The following ACTN2 variants were observed in gnomAD, a reference collection of about 807,000 sequenced individuals.
The protein encoded by ACTN2 is alpha-actinin-2.
A neutral mutation model predicts 113.8 loss-of-function variants in ACTN2; 39 were observed. The ratio of observed to expected loss-of-function variants is 0.34; its 90% CI spans 0.27 to 0.45. The LOEUF is 0.45. Among genes scored for constraint, ACTN2 ranks in the 20% least tolerant of loss-of-function variants. The probability of loss-of-function intolerance (pLI) is 1.00; values close to 1 mark genes in which losing one functional copy is unlikely to be tolerated. For missense variants in ACTN2, 992 were observed against 1,177.9 expected (o/e 0.84, Z 2.31); for synonymous variants, 429 against 444.1 (o/e 0.97, Z 0.43).
intron 1 of ACTN2, among the ~76,000 whole-genome samples, chr1:236,709,234 A>G (rs1372888008): frequency 1.5e-5 from 1 of 68,804 alleles, no homozygotes; most frequent in African/African-American, 4.0e-5. Flanking sequence ...ATATATATAT[A>G]TATATATATA....
In ACTN2 at chr1:236,751,070, A is replaced by T. The variant is rs1480391838; in HGVS notation, c.1657-400A>T. On this transcript the variant is annotated intron_variant, in intron 14 of 20. Coordinates refer to ENST00000366578, the MANE Select transcript of ACTN2 (RefSeq NM_001103.4). ...GCACCACTGCACTCCAGCCTGAGTG[A>T]CCTAGCGAGACCCTGTCTCAAAAAA... Among the ~76,000 whole-genome samples the T allele has an allele frequency of 4.1e-5, 5 of 123,402 alleles. No homozygotes were observed. The Admixed American group carries it at 5.3e-4, about 13-fold the overall frequency. 81.0% of individuals were successfully genotyped at this position (123,402 alleles called of 152,430 possible).
At chr1:236,761,429 T>TTGGGTG (rs768102689) in intron 20 of ACTN2, among the ~76,000 whole-genome samples, 2 of 58,858 alleles carry the variant, frequency 3.4e-5, no homozygotes, top group African/African-American at 1.2e-4. Context: ...GTATTTGTAC[T>TTGGGTG]TGCGTGTGTG....
At position 236,754,174 on chromosome 1, in the gene ACTN2, G is replaced by A. The variant is rs1659484711; in HGVS notation, c.1974+93G>A. On this transcript the variant is annotated intron_variant, in intron 16 of 20. Transcript: ENST00000366578. The surrounding 1 kb of genome is among the most constrained non-coding windows in gnomAD (Gnocchi z 4.9). ...GACACCGCACATGCTGTGGTTTCCA[G>A]CCACCCACTCAGTCAGGTGGGAGCA... is the stretch of plus-strand genomic sequence containing the variant. 1.9e-6 allele frequency: 3 copies of A among 1,543,620 alleles called. No individual in the cohort carries two copies. Among genetic ancestry groups the A allele is most frequent in the Non-Finnish European group, 2.7e-6 (3 of 1,131,134 alleles).
At chr1:236,749,085 A>AT in intron 13 of ACTN2, 39 bp from the exon 14 acceptor site, 1 of 1,611,722 alleles carries the variant, frequency 6.2e-7, no homozygotes, top group African/African-American at 1.3e-5. Flanking sequence ...GAATTTTTTA[A>AT]TTAGTCTATG....
At position 236,686,658 on chromosome 1, in the gene ACTN2, C is replaced by G. The variant is rs762061889; in HGVS notation, c.-16C>G. ...AGCCCCTCGCGCCCCGCCGCAGCCC[C>G]GGCCAACCGAGCGCCATGAACCAGA... On this transcript the variant is annotated 5_prime_UTR_variant, in exon 1 of 21. Coordinates refer to ENST00000366578, the MANE Select transcript of ACTN2 (RefSeq NM_001103.4). 5 of 1,550,478 alleles carry G rather than the reference C, an allele frequency of 3.2e-6. No individual in the cohort carries two copies. In the Admixed American group the frequency reaches 5.6e-5, roughly 17 times the overall value.
chr1:236,759,834 A>C, intron 19 of ACTN2, 45 bp downstream of exon 19: 2 of 1,568,392 alleles, frequency 1.3e-6, no homozygotes, highest in Non-Finnish European at 1.8e-6. Flanking sequence ...TATTTTATTG[A>C]ATTTGGATTT....
chr1:236,718,864 T>C (rs1658299034), intron 2 of ACTN2, 30 bp from the exon 3 acceptor site: 1 of 1,614,034 alleles, frequency 6.2e-7, no homozygotes, highest in Non-Finnish European at 8.5e-7. Flanking sequence ...ACTGTCTCTA[T>C]GTCTGCATGA....
chr1:236,693,438 G>A (rs920031451), intron 1 of ACTN2, among the ~76,000 whole-genome samples: 3 of 152,198 alleles, frequency 2.0e-5, no homozygotes, highest in African/African-American at 7.2e-5. Context: ...GCACAGAGGA[G>A]GGGCATCTGC....
rs540661116 is a variant in ACTN2, at chr1:236,713,129, C to T, written c.127-4729C>T. Among the ~76,000 whole-genome samples the T allele has an allele frequency of 4.0e-5, 6 of 151,688 alleles. No homozygotes were observed. The East Asian group carries it at 5.8e-4, about 15-fold the overall frequency. On this transcript the variant is annotated intron_variant, in intron 1 of 20. Coordinates refer to ENST00000366578, the MANE Select transcript of ACTN2 (RefSeq NM_001103.4). ...CATAGGGAGCTAGTTACATAAAATA[C>T]GGTTTATACACTACAGTGGAATACT...
intron 1 of ACTN2, among the ~76,000 whole-genome samples, chr1:236,693,257 A>G (rs1343282343): frequency 1.3e-5 from 2 of 151,756 alleles, no homozygotes; most frequent in Non-Finnish European, 2.9e-5. Flanking sequence ...TTTACCTGCA[A>G]CCCTGGTGAG....
intron 7 of ACTN2, among the ~76,000 whole-genome samples, chr1:236,732,431 A>AT (rs1553301582): frequency 6.7e-6 from 1 of 149,764 alleles, no homozygotes; most frequent in Non-Finnish European, 1.5e-5. Flanking sequence ...TTTTCTTTTT[A>AT]TTTTTTATTT....
rs1198632374 is a variant in ACTN2 at position 236,725,983 on chromosome 1, C to T, written c.499C>T (p.Pro167Ser). 6.2e-7 allele frequency: 1 copy of T among 1,614,164 alleles called. No homozygotes were observed. Residue 167 changes from proline to serine, a missense_variant, in exon 5 of 21, where the codon CCT (proline) becomes TCT (serine). By Grantham distance (74) the Pro-to-Ser change is moderately conservative (BLOSUM62 -1). Around this residue, in one of 3 missense-constraint regions of ACTN2, gnomAD observed 220 missense variants for 337.5 expected, o/e 0.65. Coordinates refer to ENST00000366578, the MANE Select transcript of ACTN2 (RefSeq NM_001103.4). ...LLLWCQRKTA[P>S]YRNVNIQNFH... ...GCTTTGGTGTCAGAGGAAAACTGCT[C>T]CTTATAGAAATGTGAACATTCAGAA... is the stretch of plus-strand genomic sequence containing the variant.
chr1:236,697,073 T>G (rs1657529073), intron 1 of ACTN2, among the ~76,000 whole-genome samples: 1 of 152,226 alleles, frequency 6.6e-6, no homozygotes, highest in African/African-American at 2.4e-5. Flanking sequence ...GGTATTCATT[T>G]GTAAAAGTAA....
intron 1 of ACTN2, among the ~76,000 whole-genome samples, chr1:236,715,785 G>A (rs188006444): frequency 1.1e-4 from 16 of 152,040 alleles, no homozygotes; most frequent in African/African-American, 2.4e-4. Flanking sequence ...GCAAAACCCC[G>A]TCTCTACTAA....
chr1:236,694,105 G>A (rs2102860884), intron 1 of ACTN2, among the ~76,000 whole-genome samples: 1 of 152,184 alleles, frequency 6.6e-6, no homozygotes, highest in Middle Eastern at 3.4e-3. Flanking sequence ...TAGAGCAGGG[G>A]TCACCTGATG....
In ACTN2 at chr1:236,731,284, C is replaced by T. The variant is rs778336485; in HGVS notation, c.667C>T (p.Leu223=). 12 of 1,613,874 alleles carry T rather than the reference C, an allele frequency of 7.4e-6. No individual in the cohort carries two copies. Among genetic ancestry groups the T allele is most frequent in the Non-Finnish European group, 1.0e-5 (12 of 1,179,786 alleles). ...NLAMEIAEKH[L]DIPKMLDAED... ...GGCCATGGAAATCGCTGAGAAGCAC[C>T]TGGATATTCCTAAAATGTTGGATGC... Residue 223 remains leucine (L), a synonymous_variant, in exon 7 of 21, where the codon CTG becomes TTG. Transcript: ENST00000366578.
chr1:236,728,877 G>C (rs1426900006), intron 6 of ACTN2, among the ~76,000 whole-genome samples: 3 of 152,024 alleles, frequency 2.0e-5, no homozygotes, highest in Non-Finnish European at 1.5e-5. Flanking sequence ...CTGGGCCACA[G>C]GGTGACACAC....
intron 18 of ACTN2, among the ~76,000 whole-genome samples, chr1:236,758,223 G>GA (rs1165004443): frequency 6.6e-6 from 1 of 151,322 alleles, no homozygotes; most frequent in Non-Finnish European, 1.5e-5. Flanking sequence ...TTCTTTATGA[G>GA]AAAATACTAT....
intron 1 of ACTN2, among the ~76,000 whole-genome samples, chr1:236,698,615 A>G (rs1259407306): frequency 6.6e-6 from 1 of 152,194 alleles, no homozygotes; most frequent in East Asian, 1.9e-4. Context: ...TTTATTGCAT[A>G]TTTGGCCTTT....
Sources: gnomAD v4.1 joint callset for allele counts (sites outside exome capture counted in the v4.1 genomes callset) on GRCh38, gnomAD v4.1.1 for gene constraint, gnomAD v4.1.1 regional missense constraint, Gnocchi (gnomAD v3.1) non-coding constraint, MANE v1.5 for transcripts, NCBI Gene and HGNC (gene_info 2026-07-23, HGNC 2026-07-21) for gene names.